The following NMT2 variants were observed in gnomAD, a reference collection of about 807,000 sequenced individuals.
The protein encoded by NMT2 is glycylpeptide N-tetradecanoyltransferase 2.
A neutral mutation model predicts 65.4 loss-of-function variants in NMT2; 35 were observed. The ratio of observed to expected loss-of-function variants is 0.54; its 90% confidence interval spans 0.41 to 0.71. The LOEUF is 0.71. NMT2 is among the 30% of genes least tolerant of loss of function. The probability of loss-of-function intolerance (pLI) is 0.00; values close to 1 mark genes in which losing one functional copy is unlikely to be tolerated. For missense variants in NMT2, 489 were observed against 611.3 expected, an observed-to-expected ratio of 0.80 and a Z score of 2.11; for synonymous variants, 226 against 231.8, an observed-to-expected ratio of 0.98 and a Z score of 0.23.
chr10:15,115,793 A>G (rs1845723506), intron 9 of NMT2, among the ~76,000 whole-genome samples: 1 of 152,226 alleles, frequency 6.6e-6, no homozygotes. Flanking sequence ...GGTCACAGTA[A>G]TATACAATAA....
At chr10:15,119,547 T>G (rs756870950) in intron 8 of NMT2, 34 bp from the exon 9 acceptor site, 2 of 1,602,912 alleles carry the variant, frequency 1.2e-6, no homozygotes, top group Non-Finnish European at 1.7e-6. Context: ...AATCCAGAAG[T>G]TCAGGTAGAA....
intron 2 of NMT2, among the ~76,000 whole-genome samples, chr10:15,140,149 A>G (rs1412442335): frequency 6.6e-6 from 1 of 151,820 alleles, no homozygotes; most frequent in African/African-American, 2.4e-5. Flanking sequence ...TGATTGATTG[A>G]CATGGTCTCT....
chr10:15,109,245 GA>G (rs1447265173), intron 11 of NMT2, 30 bp from the exon 12 acceptor site: 3 of 1,602,570 alleles, frequency 1.9e-6, no homozygotes, highest in African/African-American at 2.7e-5. Flanking sequence ...GGAATAGTAA[GA>G]AAAATTAGAT....
chr10:15,109,554 G>C, intron 11 of NMT2, 148 bp downstream of exon 11: 1 of 635,046 alleles, frequency 1.6e-6, no homozygotes. Flanking sequence ...CTGGGGGACA[G>C]AGCGAGACTT....
intron 7 of NMT2, among the ~76,000 whole-genome samples, chr10:15,129,833 C>T (rs1233944895): frequency 2.0e-5 from 3 of 147,892 alleles, no homozygotes; most frequent in African/African-American, 7.6e-5. Flanking sequence ...CACTTGAACC[C>T]AGGAGGCGAG....
intron 8 of NMT2, 38 bp from the exon 9 acceptor site, chr10:15,119,551 G>C (rs750727882): frequency 1.9e-6 from 3 of 1,593,152 alleles, no homozygotes; most frequent in South Asian, 2.2e-5. Flanking sequence ...CAGAAGTTCA[G>C]GTAGAAGAGG....
intron 11 of NMT2, among the ~76,000 whole-genome samples, 186 bp downstream of exon 11, chr10:15,109,516 A>G (rs1845434568): frequency 6.6e-6 from 1 of 152,210 alleles, no homozygotes; most frequent in South Asian, 2.1e-4. Context: ...GGTTGCAGTG[A>G]GCTGAGATCA....
chr10:15,125,500 A>T (rs150639985), intron 8 of NMT2, among the ~76,000 whole-genome samples: 2 of 152,354 alleles, frequency 1.3e-5, no homozygotes, highest in East Asian at 3.9e-4. Context: ...ATTGTAGGCA[A>T]CCTACATGTA....
At chr10:15,129,907 CAAAAAAAAA>C (rs753710829) in intron 7 of NMT2, among the ~76,000 whole-genome samples, 1 of 57,204 alleles carries the variant, frequency 1.7e-5, no homozygotes. Flanking sequence ...GAGTCTGCCT[CAAAAAAAAA>C]AAAAAAAAAA....
intron 8 of NMT2, among the ~76,000 whole-genome samples, chr10:15,121,388 A>T (rs1450789715): frequency 6.6e-6 from 1 of 152,240 alleles, no homozygotes; most frequent in South Asian, 2.1e-4. Flanking sequence ...TTTTTTTGAG[A>T]CGGAGTCTCA....
chr10:15,127,332 G>A (rs985597445), intron 8 of NMT2, among the ~76,000 whole-genome samples: 4 of 151,626 alleles, frequency 2.6e-5, no homozygotes, highest in Non-Finnish European at 4.4e-5. Context: ...CGGATCACAA[G>A]GTCAGGAGAT....
Position 15,133,627 on chromosome 10 carries a change from C to T in NMT2, c.392-264G>A, listed in dbSNP as rs541040386. Among the ~76,000 whole-genome samples, 324 of 152,262 alleles carry T rather than the reference C, an allele frequency of 2.1e-3. 1 individual carries two copies. The highest frequency in any genetic ancestry group is 7.2e-3 in the African/African-American group (300 of 41,524). On this transcript the variant is annotated intron_variant, in intron 3 of 11. Coordinates refer to ENST00000378165, the MANE Select transcript of NMT2 (RefSeq NM_004808.3). ...TTTGAGACGGGGTCTCACTCTGTCG[C>T]CAAGGCTGGAGTGCAGTGGTGCAAT...
At chr10:15,114,004 ATTTC>A (rs1845661392) in intron 9 of NMT2, among the ~76,000 whole-genome samples, 1 of 152,162 alleles carries the variant, frequency 6.6e-6, no homozygotes, top group East Asian at 1.9e-4. Context: ...CACTGCTAGT[ATTTC>A]TTTCAGCAGA....
At position 15,107,370 on chromosome 10, in the gene NMT2, T is replaced by G. The variant is rs1845341271; in HGVS notation, c.*1825A>C. Reference sequence around the variant, plus strand: ...TGATTGGTTTCACTGGACTCATAACTTGAAGGAAATGCCATCATGTCTAAA... The same window carrying G: ...TGATTGGTTTCACTGGACTCATAACGTGAAGGAAATGCCATCATGTCTAAA... On this transcript the variant is annotated 3_prime_UTR_variant, in exon 12 of 12. Coordinates refer to ENST00000378165, the MANE Select transcript of NMT2 (RefSeq NM_004808.3). 4 of 985,450 alleles carry G rather than the reference T, an allele frequency of 4.1e-6. No individual in the cohort carries two copies. In the African/African-American group the frequency reaches 7.0e-5, roughly 17 times the overall value. 61.0% of individuals were successfully genotyped at this position (985,450 alleles called of 1,614,324 possible). A position where few individuals can be genotyped will look rare whatever the true frequency, so the allele number is the denominator to read the frequency against.
At chr10:15,116,593 A>G (rs1228631067) in intron 9 of NMT2, among the ~76,000 whole-genome samples, 1 of 152,142 alleles carries the variant, frequency 6.6e-6, no homozygotes, top group Non-Finnish European at 1.5e-5. Context: ...AATGACACTG[A>G]AAACAGGAAG....
At chr10:15,123,507 G>A (rs1207699215) in intron 8 of NMT2, among the ~76,000 whole-genome samples, 8 of 129,978 alleles carry the variant, frequency 6.2e-5, no homozygotes, top group Admixed American at 1.9e-4. Context: ...CCAGCCTGGC[G>A]ACAAAGCGAG....
At chr10:15,161,228 T>G (rs1833186294) in intron 1 of NMT2, among the ~76,000 whole-genome samples, 1 of 151,658 alleles carries the variant, frequency 6.6e-6, no homozygotes, top group Non-Finnish European at 1.5e-5. Flanking sequence ...ATGTATTATG[T>G]GGGAGGGGAA....
In NMT2 at chr10:15,106,933, T is replaced by C. The variant is rs536747019; in HGVS notation, c.*2262A>G. Among the ~76,000 whole-genome samples the C allele has an allele frequency of 1.3e-3, 203 of 152,256 alleles. No homozygotes were observed. The highest frequency in any genetic ancestry group is 2.6e-3 in the Non-Finnish European group (175 of 68,018). On this transcript the variant is annotated 3_prime_UTR_variant, in exon 12 of 12. Coordinates refer to ENST00000378165, the MANE Select transcript of NMT2 (RefSeq NM_004808.3). Reference sequence around the variant, plus strand: ...ACGGGAAACATAGCAAGACCTTGTCTCTACAAAAAATGAAAAACTTAGCCA... The same window carrying C: ...ACGGGAAACATAGCAAGACCTTGTCCCTACAAAAAATGAAAAACTTAGCCA...
At chr10:15,111,896 CG>C (rs1251801968) in intron 10 of NMT2, 1 of 151,646 alleles carries the variant, frequency 6.6e-6, no homozygotes, top group Admixed American at 6.6e-5. Context: ...TCACTGCAAC[CG>C]CCAACTCCCA....
Sources: allele counts gnomAD v4.1 joint callset (sites outside exome capture counted in the v4.1 genomes callset), GRCh38; gene constraint gnomAD v4.1.1; transcripts MANE v1.5; gene names NCBI Gene and HGNC (gene_info 2026-07-23, HGNC 2026-07-21).